Variants in FRMD3 observed in about 807,000 individuals in gnomAD.
The protein encoded by FRMD3 is FERM domain containing 3, also known as FERM domain-containing protein 3.
A neutral mutation model predicts 70.2 loss-of-function variants in FRMD3; 33 were observed. That is an observed-to-expected ratio of 0.47 (90% CI 0.36 to 0.63). The LOEUF (loss-of-function observed/expected upper bound fraction) is 0.63, where lower values mean the gene tolerates loss of function less well. Ranked by LOEUF, FRMD3 falls within the 20% of genes least tolerant of loss-of-function variation. The pLI, the probability that FRMD3 is intolerant of heterozygous loss-of-function variation, is 0.00. For synonymous variants in FRMD3, 279 were observed against 255.9 expected, an observed-to-expected ratio of 1.09 and a Z score of -0.86; for missense variants, 632 against 711.4, an observed-to-expected ratio of 0.89 and a Z score of 1.27.
chr9:83,546,889 TC>T, the FRMD3 span, among the ~76,000 whole-genome samples: 1 of 7,514 alleles, frequency 1.3e-4, no homozygotes, highest in Admixed American at 2.1e-3. Context: ...AGACTCTGTC[TC>T]AAAAAAAAAA....
intron 1 of FRMD3, among the ~76,000 whole-genome samples, chr9:83,513,254 T>C (rs1372349652): frequency 6.6e-6 from 1 of 152,210 alleles, no homozygotes; most frequent in African/African-American, 2.4e-5. Context: ...TTAGTATTAC[T>C]TCCTACTAAC....
chr9:83,554,652 G>A, the FRMD3 span, among the ~76,000 whole-genome samples: 1 of 152,198 alleles, frequency 6.6e-6, no homozygotes, highest in Non-Finnish European at 1.5e-5. Context: ...TAAAGTCTTT[G>A]CTCCTTTGTT....
chr9:83,265,115 T>C (rs1051481217), intron 13 of FRMD3, among the ~76,000 whole-genome samples: 12 of 152,110 alleles, frequency 7.9e-5, no homozygotes, highest in Admixed American at 7.9e-4. Context: ...AAAGTGCCCG[T>C]GTCGGCCAGG....
chr9:83,386,382 C>A (rs944090249), intron 2 of FRMD3, among the ~76,000 whole-genome samples: 4 of 152,178 alleles, frequency 2.6e-5, no homozygotes, highest in Non-Finnish European at 5.9e-5. Flanking sequence ...TGAGATAAGA[C>A]AGTTTTGTTT....
chr9:83,245,413 A>AGTT lies in FRMD3; in HGVS notation c.*2502_*2504dup, dbSNP rs1832046282. The stretch of plus-strand genomic sequence containing the variant: ...CGAGCAAATGGCATTTCAAGATTCC[A>AGTT]GTTTAACTTTTGATGGCTGTTTAAA... On this transcript the variant is annotated 3_prime_UTR_variant, in exon 14 of 14. Coordinates refer to ENST00000304195, the MANE Select transcript of FRMD3 (RefSeq NM_174938.6). The AGTT allele has an allele frequency of 7.1e-6, 7 of 985,436 alleles. No homozygotes were observed. Among genetic ancestry groups the AGTT allele is most frequent in the Non-Finnish European group, 8.4e-6 (7 of 829,934 alleles). The allele number at this position is 985,436 out of a possible 1,614,324, so 61.0% of individuals were successfully genotyped here.
At chr9:83,275,104 A>G (rs1359169) in intron 13 of FRMD3, among the ~76,000 whole-genome samples, 136,247 of 152,198 alleles carry the variant, frequency 0.9, 61,537 homozygotes, top group East Asian at 1. Flanking sequence ...TGCGTTAAAT[A>G]TGAGCTGTTA....
intron 3 of FRMD3, among the ~76,000 whole-genome samples, chr9:83,357,386 C>T (rs1015614946): frequency 6.1e-5 from 9 of 148,434 alleles, no homozygotes; most frequent in African/African-American, 1.7e-4. Context: ...TATAAACATG[C>T]GTGTGCAAGT....
intron 13 of FRMD3, among the ~76,000 whole-genome samples, chr9:83,257,309 G>A (rs746225937): frequency 1.3e-4 from 20 of 152,136 alleles, no homozygotes; most frequent in African/African-American, 2.9e-4. Flanking sequence ...CTTAAAAGTC[G>A]GAGCTGAATG....
the FRMD3 span, among the ~76,000 whole-genome samples, chr9:83,557,259 A>T: frequency 1.3e-5 from 2 of 152,196 alleles, no homozygotes; most frequent in African/African-American, 4.8e-5. Flanking sequence ...AAACTACACC[A>T]TCACCTCAGC....
At chr9:83,328,273 C>G (rs1396828892) in intron 6 of FRMD3, among the ~76,000 whole-genome samples, 1 of 152,064 alleles carries the variant, frequency 6.6e-6, no homozygotes, top group Non-Finnish European at 1.5e-5. Flanking sequence ...ACAAAGGATT[C>G]TTTTAAAGAG....
the FRMD3 span, among the ~76,000 whole-genome samples, chr9:83,569,460 C>T: frequency 6.6e-6 from 1 of 152,246 alleles, no homozygotes. Context: ...TGAGAGCATG[C>T]TGCCCACAGA....
At chr9:83,404,035 C>T (rs1826028143) in intron 1 of FRMD3, among the ~76,000 whole-genome samples, 1 of 151,082 alleles carries the variant, frequency 6.6e-6, no homozygotes, top group African/African-American at 2.4e-5. Flanking sequence ...AAAACAACTG[C>T]TCTGTGTGCA....
intron 13 of FRMD3, among the ~76,000 whole-genome samples, chr9:83,285,836 A>C (rs915764456): frequency 2.0e-5 from 3 of 152,228 alleles, no homozygotes; most frequent in African/African-American, 7.2e-5. Flanking sequence ...CTTCTGCAGA[A>C]ATTCTCATAA....
At chr9:83,546,081 G>T in the FRMD3 span, among the ~76,000 whole-genome samples, 1 of 151,534 alleles carries the variant, frequency 6.6e-6, no homozygotes, top group African/African-American at 2.4e-5. Flanking sequence ...AAAAAGCCAG[G>T]CATGGTGGTT....
intron 5 of FRMD3, among the ~76,000 whole-genome samples, chr9:83,342,687 A>ATAAAT (rs1554690559): frequency 1.9e-4 from 26 of 138,900 alleles, no homozygotes; most frequent in African/African-American, 6.9e-4. Flanking sequence ...GGATGGATGG[A>ATAAAT]TAGATTAGAT....
At chr9:83,287,663 G>A (rs563365136) in intron 13 of FRMD3, among the ~76,000 whole-genome samples, 4 of 152,240 alleles carry the variant, frequency 2.6e-5, no homozygotes, top group South Asian at 2.1e-4. Flanking sequence ...AGACCACTCC[G>A]TTACCAACTC....
intron 1 of FRMD3, among the ~76,000 whole-genome samples, chr9:83,463,888 T>C (rs895889339): frequency 3.3e-5 from 5 of 152,212 alleles, no homozygotes; most frequent in Non-Finnish European, 7.3e-5. Flanking sequence ...AGAGAACATG[T>C]CATCTGACAT....
intron 6 of FRMD3, among the ~76,000 whole-genome samples, chr9:83,317,766 G>T (rs1209174477): frequency 6.6e-6 from 1 of 152,044 alleles, no homozygotes; most frequent in Non-Finnish European, 1.5e-5. Context: ...TGGCAGCAGG[G>T]TACCAGTGCT....
intron 1 of FRMD3, among the ~76,000 whole-genome samples, chr9:83,498,755 A>T (rs1828999056): frequency 6.6e-6 from 1 of 152,000 alleles, no homozygotes; most frequent in African/African-American, 2.4e-5. Flanking sequence ...AAGAAAAGAA[A>T]ACATATAATC....
Sources: allele counts gnomAD v4.1 joint callset (sites outside exome capture counted in the v4.1 genomes callset), GRCh38; gene constraint gnomAD v4.1.1; transcripts MANE v1.5; gene names NCBI Gene and HGNC (gene_info 2026-07-23, HGNC 2026-07-21).